The following TRIM14 variants were observed in gnomAD, a reference collection of about 807,000 sequenced individuals.
TRIM14 encodes tripartite motif containing 14, also known as tripartite motif-containing protein 14.
Under a neutral mutation model 44.5 loss-of-function variants are expected in TRIM14, and 28 were observed. That is an observed-to-expected ratio of 0.63 (90% confidence interval 0.47 to 0.86). TRIM14 has a LOEUF of 0.86. Ranked by LOEUF, TRIM14 falls within the 40% of genes least tolerant of loss-of-function variation. The pLI is 0.00. For synonymous variants in TRIM14, 299 were observed against 269.2 expected (o/e 1.11, Z -1.08); for missense variants, 607 against 611.1 (o/e 0.99, Z 0.07).
the TRIM14 span, chr9:98,056,713 G>A: frequency 6.8e-6 from 10 of 1,477,520 alleles, no homozygotes; most frequent in Non-Finnish European, 9.0e-6. Context: ...GCTGGCGTGT[G>A]GGTCTCGCAG....
At chr9:98,078,932 C>T (rs762623430) in intron 6 of TRIM14, among the ~76,000 whole-genome samples, 17 of 151,768 alleles carry the variant, frequency 1.1e-4, no homozygotes, top group Non-Finnish European at 2.1e-4. Context: ...CACTAGCGTA[C>T]AGATAAATAT....
chr9:98,045,222 C>T, the TRIM14 span, among the ~76,000 whole-genome samples: 379 of 150,578 alleles, frequency 2.5e-3, 3 homozygotes, highest in African/African-American at 8.8e-3. Flanking sequence ...GTAAATTGTG[C>T]TCAGCCACCC....
rs116512915 is a variant in TRIM14, at chr9:98,091,387, G to C, written c.793+522C>G. ...TGGGAAAATCATTTGTGCCCAAGAG[G>C]TCGAGGCTGCAGTGAGCCATGACTG... On this transcript the variant is annotated intron_variant, in intron 5 of 5. Coordinates refer to ENST00000341469, the MANE Select transcript of TRIM14 (RefSeq NM_014788.4). Among the ~76,000 whole-genome samples the C allele has an allele frequency of 4.3e-3, 661 of 152,134 alleles. 2 individuals are homozygous for C. Among genetic ancestry groups the C allele is most frequent in the African/African-American group, 0.015 (621 of 41,516 alleles).
intron 3 of TRIM14, among the ~76,000 whole-genome samples, chr9:98,097,203 C>A (rs1190731375): frequency 6.6e-6 from 1 of 152,100 alleles, no homozygotes; most frequent in African/African-American, 2.4e-5. Flanking sequence ...CAAAAACAAA[C>A]AAACAAACAT....
intron 3 of TRIM14, among the ~76,000 whole-genome samples, chr9:98,096,166 C>T (rs1008005057): frequency 1.3e-5 from 2 of 152,128 alleles, no homozygotes; most frequent in Non-Finnish European, 2.9e-5. Context: ...TGGCCTAGCA[C>T]TTGGCTGTTG....
chr9:98,111,909 A>G (rs2118649705), intron 1 of TRIM14, among the ~76,000 whole-genome samples: 1 of 152,294 alleles, frequency 6.6e-6, no homozygotes, highest in South Asian at 2.1e-4. Context: ...TTGCACTCCA[A>G]CCAGGGCAAC....
the TRIM14 span, among the ~76,000 whole-genome samples, chr9:98,061,759 A>G: frequency 6.6e-6 from 1 of 151,108 alleles, no homozygotes; most frequent in Non-Finnish European, 1.5e-5. Context: ...CAGCCTGGTG[A>G]TAGAGCAAGA....
the TRIM14 span, among the ~76,000 whole-genome samples, chr9:98,060,533 C>T: frequency 1.1e-4 from 16 of 151,968 alleles, no homozygotes; most frequent in Non-Finnish European, 2.1e-4. Flanking sequence ...AGCCGGGTGT[C>T]GTGGTGGGTG....
chr9:98,098,067 TTGTC>T (rs1229748681), intron 3 of TRIM14, among the ~76,000 whole-genome samples: 1 of 152,226 alleles, frequency 6.6e-6, no homozygotes, highest in East Asian at 1.9e-4. Context: ...ACTGGCTTAT[TTGTC>T]TGTCTTATTT....
intron 2 of TRIM14, among the ~76,000 whole-genome samples, chr9:98,101,038 C>T (rs1294756912): frequency 6.6e-6 from 1 of 152,088 alleles, no homozygotes; most frequent in African/African-American, 2.4e-5. Flanking sequence ...TGCAGTGGTG[C>T]GATCTTGGCT....
chr9:98,056,225 T>C, the TRIM14 span, among the ~76,000 whole-genome samples: 3 of 152,206 alleles, frequency 2.0e-5, no homozygotes, highest in Non-Finnish European at 4.4e-5. Context: ...CAGGGGTTTC[T>C]ATACGTCATC....
the TRIM14 span, chr9:98,056,628 G>GC: frequency 1.1e-6 from 1 of 935,890 alleles, no homozygotes; most frequent in Non-Finnish European, 1.5e-6. Flanking sequence ...CCCGCCCCCC[G>GC]CCCCGATTGG....
intron 6 of TRIM14, among the ~76,000 whole-genome samples, chr9:98,071,050 C>T (rs1375730051): frequency 6.6e-6 from 1 of 151,942 alleles, no homozygotes; most frequent in African/African-American, 2.4e-5. Context: ...GGGCCTCAAA[C>T]AGTCTCCCAC....
chr9:98,043,040 C>T, the TRIM14 span, among the ~76,000 whole-genome samples: 3 of 152,096 alleles, frequency 2.0e-5, no homozygotes, highest in Admixed American at 6.6e-5. Flanking sequence ...CACATAAATA[C>T]ATAGACGTAT....
intron 1 of TRIM14, among the ~76,000 whole-genome samples, chr9:98,116,301 C>CAAAA (rs35650458): frequency 1.0e-5 from 1 of 98,618 alleles, no homozygotes; most frequent in Non-Finnish European, 2.0e-5. Context: ...GACCCTGTCT[C>CAAAA]AAAAAAAAAA....
downstream of TRIM14, among the ~76,000 whole-genome samples, chr9:98,066,432 G>T (rs1412130002): frequency 6.6e-6 from 1 of 152,162 alleles, no homozygotes; most frequent in African/African-American, 2.4e-5. Flanking sequence ...CCTAATGGAA[G>T]GTGTGTTGTG....
the TRIM14 span, among the ~76,000 whole-genome samples, chr9:98,061,941 C>A: frequency 0.38 from 56,904 of 150,968 alleles, 12,761 homozygotes; most frequent in African/African-American, 0.62. Flanking sequence ...GGAACCAGGG[C>A]CTGGGTGTGG....
chr9:98,074,838 T>G (rs1829510574), intron 6 of TRIM14: 1 of 152,188 alleles, frequency 6.6e-6, no homozygotes, highest in Non-Finnish European at 1.5e-5. Context: ...GAAAACTCAG[T>G]GGAAGGTTCC....
chr9:98,085,734 TTC>T lies in TRIM14; in HGVS notation c.*1734_*1735del, dbSNP rs1332805525. ...GTTAGAAGTTAAGGTGTTTGCAAGG[TTC>T]TGTCTGCCTGGTATTCTGCTACATT... is the stretch of plus-strand genomic sequence containing the variant. On this transcript the variant is annotated 3_prime_UTR_variant, in exon 6 of 6. Transcript: ENST00000341469. 6.6e-6 allele frequency: 1 copy of T among 152,114 alleles called. No homozygotes were observed. Among genetic ancestry groups the T allele is most frequent in the Non-Finnish European group, 1.5e-5 (1 of 68,014 alleles). The allele number at this position is 152,114 out of a possible 1,614,324, so 9.4% of individuals were successfully genotyped here.
Sources: gnomAD v4.1 joint callset for allele counts (sites outside exome capture counted in the v4.1 genomes callset) on GRCh38, gnomAD v4.1.1 for gene constraint, MANE v1.5 for transcripts, NCBI Gene and HGNC (gene_info 2026-07-23, HGNC 2026-07-21) for gene names.